The following INSL6 variants were observed in gnomAD, a reference collection of about 807,000 sequenced individuals.
INSL6 encodes the protein insulin like 6.
INSL6 carries 16 observed loss-of-function variants against 9.4 expected under a neutral mutation model. The observed-to-expected ratio is 1.70, with a 90% confidence interval of 1.15 to 2.59. The LOEUF is 2.59. INSL6 is among the 30% of genes most tolerant of loss of function. The probability of loss-of-function intolerance (pLI) is 0.00; values close to 1 mark genes in which losing one functional copy is unlikely to be tolerated. For synonymous variants in INSL6, 154 were observed against 96.9 expected (o/e 1.59, Z -3.46); for missense variants, 391 against 257.3 (o/e 1.52, Z -3.56).
At chr9:5,108,523 T>C in the INSL6 span, 1 of 152,172 alleles carries the variant, frequency 6.6e-6, no homozygotes, top group African/African-American at 2.4e-5. Context: ...GCATGTATTA[T>C]GGCCTTTATA....
the INSL6 span, among the ~76,000 whole-genome samples, chr9:5,034,018 T>C: frequency 1.3e-5 from 2 of 151,936 alleles, no homozygotes; most frequent in Non-Finnish European, 2.9e-5. Flanking sequence ...GAGACACACA[T>C]AGGCTCAAAA....
downstream of INSL6, among the ~76,000 whole-genome samples, chr9:5,163,690 A>C (rs539126291): frequency 6.6e-6 from 1 of 152,318 alleles, no homozygotes; most frequent in East Asian, 1.9e-4. Context: ...GCATGGATCA[A>C]ACCATCTCCA....
the INSL6 span, among the ~76,000 whole-genome samples, chr9:5,051,682 A>G: frequency 6.6e-6 from 1 of 152,184 alleles, no homozygotes; most frequent in Non-Finnish European, 1.5e-5. Context: ...TATGTATTTT[A>G]TATATTACAT....
At chr9:5,055,870 A>G in the INSL6 span, 4 of 1,252,712 alleles carry the variant, frequency 3.2e-6, no homozygotes, top group East Asian at 9.8e-5. Flanking sequence ...TACCAAAATT[A>G]TTTTCTGGTA....
At chr9:5,080,466 A>G in the INSL6 span, 1 of 1,537,304 alleles carries the variant, frequency 6.5e-7, no homozygotes, top group Non-Finnish European at 8.8e-7. Context: ...TAGCCCATCT[A>G]ATTTTAAAAA....
chr9:5,067,214 A>G, the INSL6 span, among the ~76,000 whole-genome samples: 2 of 152,108 alleles, frequency 1.3e-5, no homozygotes, highest in South Asian at 2.1e-4. Flanking sequence ...AACTAGGTCA[A>G]TAACAAACAA....
chr9:5,041,896 G>C, the INSL6 span: 1 of 415,916 alleles, frequency 2.4e-6, no homozygotes, highest in Non-Finnish European at 4.6e-6. Context: ...CAGGGCGCCT[G>C]CAGAGATGGA....
At chr9:5,046,358 TG>T in the INSL6 span, among the ~76,000 whole-genome samples, 6 of 152,190 alleles carry the variant, frequency 3.9e-5, no homozygotes, top group Non-Finnish European at 8.8e-5. Flanking sequence ...TTCTCTAGGT[TG>T]CCTTTTCATT....
At chr9:5,085,501 A>C in the INSL6 span, 1 of 720,528 alleles carries the variant, frequency 1.4e-6, no homozygotes, top group Non-Finnish European at 2.6e-6. Flanking sequence ...TTTTGACCCG[A>C]GCTGAAGAAA....
At chr9:5,072,477 C>G in the INSL6 span, 2 of 1,505,820 alleles carry the variant, frequency 1.3e-6, no homozygotes, top group South Asian at 1.4e-5. Flanking sequence ...TTTCTTTTAC[C>G]TTTTTCTCTT....
chr9:5,035,328 T>G, the INSL6 span, among the ~76,000 whole-genome samples: 1 of 152,200 alleles, frequency 6.6e-6, no homozygotes, highest in East Asian at 1.9e-4. Context: ...GTACCATTCC[T>G]TCTGAAACTA....
intron 2 of INSL6, among the ~76,000 whole-genome samples, chr9:5,146,981 C>T (rs901316375): frequency 6.6e-6 from 1 of 152,100 alleles, no homozygotes; most frequent in South Asian, 2.1e-4. Flanking sequence ...TCAGGTAGGA[C>T]CAGCCCTATC....
At chr9:5,103,694 G>A in the INSL6 span, among the ~76,000 whole-genome samples, 2 of 152,028 alleles carry the variant, frequency 1.3e-5, no homozygotes, top group African/African-American at 2.4e-5. Context: ...AAACGTAAAA[G>A]AACAGATATC....
the INSL6 span, among the ~76,000 whole-genome samples, chr9:5,024,629 C>G: frequency 6.6e-6 from 1 of 152,146 alleles, no homozygotes; most frequent in Non-Finnish European, 1.5e-5. Context: ...AAACTCTCCT[C>G]TGTCATCTCT....
the INSL6 span, among the ~76,000 whole-genome samples, chr9:5,025,538 C>CT: frequency 0.12 from 17,195 of 140,242 alleles, 2,431 homozygotes; most frequent in African/African-American, 0.34. Context: ...AGTTTGTTTC[C>CT]TTTTTTTTTT....
the INSL6 span, chr9:5,078,223 A>G: frequency 1.8e-6 from 2 of 1,141,930 alleles, no homozygotes; most frequent in Admixed American, 2.5e-5. Flanking sequence ...TCTTCTTTAA[A>G]TCTGTTTTGG....
the INSL6 span, among the ~76,000 whole-genome samples, chr9:5,055,337 A>T: frequency 2.7e-3 from 416 of 152,058 alleles, 3 homozygotes; most frequent in African/African-American, 9.7e-3. Flanking sequence ...GTTACTAGAG[A>T]TTTAGAGGGA....
At chr9:5,038,046 C>G in the INSL6 span, among the ~76,000 whole-genome samples, 1 of 152,136 alleles carries the variant, frequency 6.6e-6, no homozygotes, top group Non-Finnish European at 1.5e-5. Flanking sequence ...ATAGTTACAA[C>G]TATTCATTAT....
At chr9:5,160,470 G>C (rs1227698097), downstream of INSL6, among the ~76,000 whole-genome samples, 1 of 152,084 alleles carries the variant, frequency 6.6e-6, no homozygotes, top group Non-Finnish European at 1.5e-5. Context: ...GAAGAATGTA[G>C]CTAAAAGTGA....
Sources: allele counts gnomAD v4.1 joint callset (sites outside exome capture counted in the v4.1 genomes callset), GRCh38; gene constraint gnomAD v4.1.1; transcripts MANE v1.5; gene names NCBI Gene and HGNC (gene_info 2026-07-23, HGNC 2026-07-21).